The following PSD3 variants were observed in gnomAD, a reference collection of about 807,000 sequenced individuals.
The protein encoded by PSD3 is pleckstrin and Sec7 domain containing 3, also known as PH and SEC7 domain-containing protein 3.
PSD3 carries 49 observed loss-of-function variants against 105.5 expected under a neutral mutation model. The observed-to-expected ratio is 0.46, with a 90% CI of 0.37 to 0.59. The LOEUF (loss-of-function observed/expected upper bound fraction) is 0.59, where lower values mean the gene tolerates loss of function less well. Ranked by LOEUF, PSD3 falls within the 20% of genes least tolerant of loss-of-function variation. The probability of loss-of-function intolerance (pLI) is 0.00; values close to 1 mark genes in which losing one functional copy is unlikely to be tolerated. For missense variants in PSD3, 1,561 were observed against 1,263.8 expected, an observed-to-expected ratio of 1.24 and a Z score of -3.57; for synonymous variants, 557 against 457.8, an observed-to-expected ratio of 1.22 and a Z score of -2.77.
intron 15 of PSD3, among the ~76,000 whole-genome samples, chr8:18,538,078 A>C (rs1799939110): frequency 6.6e-6 from 1 of 152,224 alleles, no homozygotes; most frequent in Non-Finnish European, 1.5e-5. Context: ...AACATGCTGC[A>C]CCTGAGGAAA....
intron 2 of PSD3, among the ~76,000 whole-genome samples, chr8:18,898,972 C>T (rs548241534): frequency 6.6e-6 from 1 of 152,236 alleles, no homozygotes; most frequent in South Asian, 2.1e-4. Flanking sequence ...AAAAATGTTT[C>T]TTCTATACAG....
intron 9 of PSD3, among the ~76,000 whole-genome samples, chr8:18,678,002 T>A (rs1204341116): frequency 2.1e-5 from 2 of 94,720 alleles, no homozygotes; most frequent in African/African-American, 8.6e-5. Context: ...AGAGCGAGAC[T>A]CTGTCTCAAA....
At chr8:19,055,165 A>C (rs1053394639) in intron 1 of PSD3, among the ~76,000 whole-genome samples, 6 of 152,240 alleles carry the variant, frequency 3.9e-5, no homozygotes, top group African/African-American at 1.4e-4. Context: ...CTATGTTGCC[A>C]TAGAATAGTC....
In PSD3 at chr8:19,013,569, G is replaced by T. The variant is rs776865599; in HGVS notation, c.15C>A (p.Ser5Arg). ...CCCCGGCCCCGGAGCTCACCGCTGCGCTCCTTCCTTCCATCTTCCATCGCC... is the reference window on the plus strand; with the variant it reads ...CCCCGGCCCCGGAGCTCACCGCTGCTCTCCTTCCTTCCATCTTCCATCGCC... Reference protein sequence around the residue: MEGRSAAAETFVWVN... With the variant: MEGRRAAAETFVWVN... Residue 5 changes from serine to arginine, a missense_variant, in exon 1 of 16, where the codon AGC becomes AGA. Physicochemically the swap from Ser to Arg is moderately radical, Grantham distance 110 (BLOSUM62 -1). Coordinates refer to ENST00000327040, the MANE Select transcript of PSD3 (RefSeq NM_015310.4). 15 of 1,550,888 alleles carry T rather than the reference G, an allele frequency of 9.7e-6. No individual in the cohort carries two copies. The highest frequency in any genetic ancestry group is 1.2e-5 in the Non-Finnish European group (14 of 1,157,450).
At chr8:18,629,020 C>T (rs556315220) in intron 11 of PSD3, among the ~76,000 whole-genome samples, 26 of 151,922 alleles carry the variant, frequency 1.7e-4, no homozygotes, top group African/African-American at 5.8e-4. Flanking sequence ...CAATAAAAAG[C>T]GAGACCCACC....
chr8:18,955,202 G>A (rs1287247789), intron 1 of PSD3, among the ~76,000 whole-genome samples: 1 of 152,174 alleles, frequency 6.6e-6, no homozygotes, highest in Non-Finnish European at 1.5e-5. Context: ...GAATCTATCT[G>A]AAGGGGCAGC....
intron 1 of PSD3, among the ~76,000 whole-genome samples, chr8:18,969,672 G>T (rs1248832841): frequency 6.6e-6 from 1 of 152,174 alleles, no homozygotes; most frequent in Non-Finnish European, 1.5e-5. Context: ...TATATGGGAT[G>T]TTTCATAACT....
At position 18,697,285 on chromosome 8, in the gene PSD3, G is replaced by A. The variant is rs961614975; in HGVS notation, c.2173-41600C>T. 5.3e-5 allele frequency among the ~76,000 whole-genome samples: 8 copies of A among 152,258 alleles called. No individual in the cohort carries two copies. The South Asian group carries it at 1.7e-3, about 32-fold the overall frequency. ...TACTGGGTATCACAGGCAAGGGGGA[G>A]AGGGTAGGAAACAACGGGCTAAGAA... On this transcript the variant is annotated intron_variant, in intron 9 of 15. Transcript: ENST00000327040.
intron 4 of PSD3, among the ~76,000 whole-genome samples, chr8:18,829,419 C>A (rs1264388920): frequency 1.3e-5 from 2 of 152,180 alleles, no homozygotes; most frequent in African/African-American, 4.8e-5. Context: ...AGTTCCCCAG[C>A]AATTAGAATG....
chr8:18,752,907 T>G lies in PSD3; in HGVS notation c.2172+12542A>C, dbSNP rs973240402. ...CAAGGAATAATTGCTTTTGATTGCT[T>G]TTAGAATAGGTAACCTCATCGTGAC... is the stretch of plus-strand genomic sequence containing the variant. On this transcript the variant is annotated intron_variant, in intron 9 of 15. Coordinates refer to ENST00000327040, the MANE Select transcript of PSD3 (RefSeq NM_015310.4). Among the ~76,000 whole-genome samples the G allele has an allele frequency of 2.6e-5, 4 of 151,392 alleles. No homozygotes were observed. The Admixed American group carries it at 2.6e-4, about 10-fold the overall frequency.
chr8:18,607,714 G>C (rs1338678147), intron 11 of PSD3, among the ~76,000 whole-genome samples: 1 of 134,472 alleles, frequency 7.4e-6, no homozygotes, highest in Non-Finnish European at 1.6e-5. Context: ...AAAAAAAAAG[G>C]AAGTCAGGTG....
At chr8:19,084,167 CCT>C in intron 1 of PSD3, 1 of 412,072 alleles carries the variant, frequency 2.4e-6, no homozygotes, top group Admixed American at 2.6e-5. Flanking sequence ...CCCCTGGCTC[CCT>C]TTCTTCTGCT....
intron 11 of PSD3, among the ~76,000 whole-genome samples, chr8:18,626,484 A>G (rs1806487589): frequency 6.6e-6 from 1 of 152,168 alleles, no homozygotes; most frequent in South Asian, 2.1e-4. Flanking sequence ...TTAGAAAATA[A>G]GTATCTACTT....
intron 1 of PSD3, among the ~76,000 whole-genome samples, chr8:19,039,032 T>G (rs1239991535): frequency 1.3e-5 from 2 of 152,302 alleles, no homozygotes; most frequent in African/African-American, 4.8e-5. Flanking sequence ...CTCATCTTCA[T>G]TATCTTAATC....
At chr8:18,791,451 C>T (rs917823546) in intron 8 of PSD3, among the ~76,000 whole-genome samples, 4 of 152,062 alleles carry the variant, frequency 2.6e-5, no homozygotes, top group African/African-American at 9.7e-5. Context: ...TGATCTTCAG[C>T]AAACCTGACA....
chr8:18,627,557 T>C (rs560423043), intron 11 of PSD3, among the ~76,000 whole-genome samples: 1 of 152,172 alleles, frequency 6.6e-6, no homozygotes, highest in African/African-American at 2.4e-5. Context: ...GGAAAGAGGC[T>C]GAAGAAGAAC....
chr8:18,702,699 G>A (rs911604168), intron 9 of PSD3, among the ~76,000 whole-genome samples: 5 of 149,720 alleles, frequency 3.3e-5, no homozygotes, highest in Admixed American at 1.3e-4. Flanking sequence ...TGCAAGCTCC[G>A]GCTCCCGGGT....
At position 18,530,702 on chromosome 8, in the gene PSD3, T is replaced by C. The variant is rs1180095423; in HGVS notation, c.*5041A>G. 6.6e-6 allele frequency: 1 copy of C among 151,342 alleles called. No individual in the cohort carries two copies. Among genetic ancestry groups the C allele is most frequent in the Non-Finnish European group, 1.5e-5 (1 of 67,610 alleles). The allele number at this position is 151,342 out of a possible 1,614,324, so 9.4% of individuals were successfully genotyped here. On this transcript the variant is annotated 3_prime_UTR_variant, in exon 16 of 16. Transcript: ENST00000327040. The stretch of plus-strand genomic sequence containing the variant: ...CAGGCTGCCTTTTTTTTTTTTTTTC[T>C]TTTCTTTCTGTATTTCCCAAATTAC...
chr8:18,985,223 C>T (rs1417408141), intron 1 of PSD3, among the ~76,000 whole-genome samples: 1 of 152,150 alleles, frequency 6.6e-6, no homozygotes, highest in South Asian at 2.1e-4. Flanking sequence ...CGTGAGTCAC[C>T]GCGCCCGGTC....
Sources: allele counts gnomAD v4.1 joint callset (sites outside exome capture counted in the v4.1 genomes callset), GRCh38; gene constraint gnomAD v4.1.1; transcripts MANE v1.5; gene names NCBI Gene and HGNC (gene_info 2026-07-23, HGNC 2026-07-21).